CFAP77: variants seen among roughly 807,000 people sequenced by gnomAD.
CFAP77 encodes cilia- and flagella-associated protein 77.
CFAP77 carries 25 observed loss-of-function variants against 31.1 expected under a neutral mutation model. The observed-to-expected ratio is 0.80, with a 90% CI of 0.59 to 1.12. The LOEUF is 1.12. CFAP77 is among the 50% of genes most tolerant of loss of function. The probability of loss-of-function intolerance (pLI) is 0.00; values close to 1 mark genes in which losing one functional copy is unlikely to be tolerated. For synonymous variants in CFAP77, 151 were observed against 159.9 expected (o/e 0.94, Z 0.42); for missense variants, 377 against 397.3 (o/e 0.95, Z 0.44).
At position 132,493,943 on chromosome 9, in the gene CFAP77, G is replaced by A. The variant is rs555868464; in HGVS notation, c.196-4752G>A. The stretch of plus-strand genomic sequence containing the variant: ...TCTCTTTCTTTTTTTATAGGGTTTC[G>A]CTCTGTCACCTGGGCTGGAGTACAG... On this transcript the variant is annotated intron_variant, in intron 1 of 5. Transcript: ENST00000393216. Among the ~76,000 whole-genome samples the A allele has an allele frequency of 1.5e-4, 21 of 137,020 alleles. No homozygotes were observed. The East Asian group carries it at 2.8e-3, about 18-fold the overall frequency. The allele number at this position is 137,020 out of a possible 152,430, so 89.9% of individuals were successfully genotyped here.
Position 132,498,433 on chromosome 9 carries a change from G to A in CFAP77, c.196-262G>A, listed in dbSNP as rs895673240. Among the ~76,000 whole-genome samples the A allele has an allele frequency of 6.6e-6, 1 of 152,196 alleles. No homozygotes were observed. Among genetic ancestry groups the A allele is most frequent in the Middle Eastern group, 3.4e-3 (1 of 294 alleles). ...TGCTCCCCACTCCAACAATACACAT[G>A]TACCGAGAGGCCCCCCGTCTCTGAT... is the stretch of plus-strand genomic sequence containing the variant. On this transcript the variant is annotated intron_variant, in intron 1 of 5. Coordinates refer to ENST00000393216, the MANE Select transcript of CFAP77 (RefSeq NM_001282957.2). The surrounding 1 kb of genome is among the most constrained non-coding windows in gnomAD (Gnocchi z 4.2).
Position 132,499,450 on chromosome 9 carries a change from G to T in CFAP77, c.374G>T (p.Arg125Leu). ...ACCCGGAATTATATCGCAATGAACCGCGGGGCGGTGAAAGCCGGCCTGGTG... is the reference window on the plus strand; with the variant it reads ...ACCCGGAATTATATCGCAATGAACCTCGGGGCGGTGAAAGCCGGCCTGGTG... The part of the protein sequence containing the change: ...ELTRNYIAMN[R>L]GAVKAGLVTA... Residue 125 changes from arginine to leucine, a missense_variant, in exon 3 of 6, where the codon CGC becomes CTC. Physicochemically the swap from Arg to Leu is moderately radical, Grantham distance 102. Transcript: ENST00000393216. The surrounding 1 kb of genome is among the most constrained non-coding windows in gnomAD (Gnocchi z 5.4). 1 of 1,614,182 alleles carries T rather than the reference G, an allele frequency of 6.2e-7. No individual in the cohort carries two copies. The highest frequency in any genetic ancestry group is 8.5e-7 in the Non-Finnish European group (1 of 1,180,038).
At chr9:132,531,630 G>GC (rs201770601) in intron 3 of CFAP77, among the ~76,000 whole-genome samples, 2,172 of 149,272 alleles carry the variant, frequency 0.015, 48 homozygotes, top group Middle Eastern at 0.024. Context: ...AGACATGGGG[G>GC]GGGGGGCATG....
At chr9:132,493,386 G>C (rs989306038) in intron 1 of CFAP77, among the ~76,000 whole-genome samples, 39 of 152,210 alleles carry the variant, frequency 2.6e-4, no homozygotes, top group East Asian at 1.2e-3. Flanking sequence ...GAATGCATTT[G>C]GAAAAAAAAT....
chr9:132,464,003 G>A (rs1046507806), intron 1 of CFAP77, among the ~76,000 whole-genome samples: 7 of 152,170 alleles, frequency 4.6e-5, no homozygotes, highest in Admixed American at 2.6e-4. Context: ...CAAAGGGGTC[G>A]GATGGGAATC....
At chr9:132,503,817 G>A (rs1851892163) in intron 3 of CFAP77, among the ~76,000 whole-genome samples, 1 of 152,172 alleles carries the variant, frequency 6.6e-6, no homozygotes, top group Non-Finnish European at 1.5e-5. Flanking sequence ...GGGAGGCTGA[G>A]GTGAGTGGAT....
intron 1 of CFAP77, chr9:132,482,225 A>T: frequency 2.6e-6 from 2 of 763,658 alleles, no homozygotes; most frequent in Admixed American, 2.7e-5. Flanking sequence ...TTTTTCTTAA[A>T]TCTGCTCACT....
intron 1 of CFAP77, among the ~76,000 whole-genome samples, chr9:132,454,146 T>C (rs1479341992): frequency 6.6e-6 from 1 of 152,168 alleles, no homozygotes; most frequent in African/African-American, 2.4e-5. Flanking sequence ...ATTGTACTTC[T>C]TGGCTAAGCA....
intron 5 of CFAP77, 49 bp downstream of exon 5, chr9:132,543,096 G>C: frequency 1.3e-6 from 2 of 1,498,906 alleles, no homozygotes; most frequent in Non-Finnish European, 1.9e-6. Context: ...GCTGGCTGCC[G>C]CTCACCTTGC....
intron 3 of CFAP77, among the ~76,000 whole-genome samples, chr9:132,531,350 C>T (rs1282582539): frequency 6.6e-6 from 1 of 152,168 alleles, no homozygotes; most frequent in African/African-American, 2.4e-5. Flanking sequence ...AATCAGCAAA[C>T]AAACCAATGA....
intron 3 of CFAP77, among the ~76,000 whole-genome samples, chr9:132,531,344 A>C (rs916986257): frequency 1.3e-5 from 2 of 152,190 alleles, no homozygotes; most frequent in African/African-American, 4.8e-5. Flanking sequence ...GCTGTAAATC[A>C]GCAAACAAAC....
chr9:132,460,337 T>C lies in CFAP77; in HGVS notation c.196-38358T>C, dbSNP rs1391958981. Reference sequence around the variant, plus strand: ...GTTCTCCTCTGCAGAGTGGAAATGATAATAGCACCCACCTCAAGAATGTTT... The same window carrying C: ...GTTCTCCTCTGCAGAGTGGAAATGACAATAGCACCCACCTCAAGAATGTTT... On this transcript the variant is annotated intron_variant, in intron 1 of 5. Coordinates refer to ENST00000393216, the MANE Select transcript of CFAP77 (RefSeq NM_001282957.2). 2.6e-5 allele frequency among the ~76,000 whole-genome samples: 4 copies of C among 152,238 alleles called. No individual in the cohort carries two copies. In the South Asian group the frequency reaches 8.3e-4, roughly 32 times the overall value.
At chr9:132,510,501 C>A (rs1852017270) in intron 3 of CFAP77, among the ~76,000 whole-genome samples, 1 of 152,226 alleles carries the variant, frequency 6.6e-6, no homozygotes, top group Admixed American at 6.5e-5. Flanking sequence ...CAGCCGGCAC[C>A]TCCCTGGCAC....
rs940154633 is a variant in CFAP77 at position 132,481,963 on chromosome 9, G to A, written c.196-16732G>A. Among the ~76,000 whole-genome samples, 7 of 132,316 alleles carry A rather than the reference G, an allele frequency of 5.3e-5. No homozygotes were observed. Among genetic ancestry groups the A allele is most frequent in the African/African-American group, 1.2e-4 (4 of 32,670 alleles). The allele number at this position is 132,316 out of a possible 152,430, so 86.8% of individuals were successfully genotyped here. On this transcript the variant is annotated intron_variant, in intron 1 of 5. Coordinates refer to ENST00000393216, the MANE Select transcript of CFAP77 (RefSeq NM_001282957.2). The surrounding 1 kb of genome is among the most constrained non-coding windows in gnomAD (Gnocchi z 5.0). ...GAAGGAACAAGGGTTTATGGTTGGG[G>A]GGGGGGGGGGCGGCGGAACACTGAA...
rs1201270909 is a variant in CFAP77 at position 132,511,776 on chromosome 9, G to A, written c.524+12176G>A. ...TGGCTTAAAATAACAAAAATGAAGC[G>A]GCCGCGCGGCGGCTCACGCCTGTCA... On this transcript the variant is annotated intron_variant, in intron 3 of 5. Coordinates refer to ENST00000393216, the MANE Select transcript of CFAP77 (RefSeq NM_001282957.2). This position sits in a 1 kb window ranked among gnomAD's most constrained non-coding sequence, Gnocchi z 5.8. Among the ~76,000 whole-genome samples, 7 of 152,188 alleles carry A rather than the reference G, an allele frequency of 4.6e-5. No individual in the cohort carries two copies. The highest frequency in any genetic ancestry group is 2.0e-4 in the Admixed American group (3 of 15,282).
chr9:132,456,356 C>T (rs1302853209), intron 1 of CFAP77, among the ~76,000 whole-genome samples: 1 of 152,224 alleles, frequency 6.6e-6, no homozygotes, highest in Admixed American at 6.5e-5. Context: ...TGTGCCTGTT[C>T]CCATTTGTAC....
At chr9:132,432,538 T>C (rs1423373665) in intron 1 of CFAP77, among the ~76,000 whole-genome samples, 1 of 151,698 alleles carries the variant, frequency 6.6e-6, no homozygotes, top group Non-Finnish European at 1.5e-5. Context: ...GGTTCCTTTT[T>C]TTTTTTTTTT....
chr9:132,525,908 C>T (rs1435321546), intron 3 of CFAP77, among the ~76,000 whole-genome samples: 3 of 152,224 alleles, frequency 2.0e-5, no homozygotes, highest in Admixed American at 1.3e-4. Context: ...CATTCTTTTT[C>T]GTTGCTGAGT....
intron 1 of CFAP77, among the ~76,000 whole-genome samples, chr9:132,462,909 A>G (rs1393351789): frequency 1.3e-5 from 2 of 152,042 alleles, no homozygotes; most frequent in East Asian, 3.8e-4. Flanking sequence ...AACTCCATGA[A>G]GATAGGCCTG....
Sources: gnomAD v4.1 joint callset for allele counts (sites outside exome capture counted in the v4.1 genomes callset) on GRCh38, gnomAD v4.1.1 for gene constraint, Gnocchi (gnomAD v3.1) non-coding constraint, MANE v1.5 for transcripts, NCBI Gene and HGNC (gene_info 2026-07-23, HGNC 2026-07-21) for gene names.